The following PCIF1 variants were observed in gnomAD, a reference collection of about 807,000 sequenced individuals.
PCIF1 encodes mRNA (2'-O-methyladenosine-N(6)-)-methyltransferase.
Under a neutral mutation model 86.9 loss-of-function variants are expected in PCIF1, and 12 were observed. The observed-to-expected ratio is 0.14, with a 90% CI of 0.09 to 0.22. The LOEUF (loss-of-function observed/expected upper bound fraction) is 0.22. Ranked by LOEUF, PCIF1 falls within the 10% of genes least tolerant of loss-of-function variation. The pLI is 1.00. For synonymous variants in PCIF1, 397 were observed against 372.0 expected (o/e 1.07, Z -0.77); for missense variants, 701 against 951.1 (o/e 0.74, Z 3.46).
intron 1 of PCIF1, among the ~76,000 whole-genome samples, chr20:45,935,812 C>T (rs1399156455): frequency 6.6e-6 from 1 of 151,290 alleles, no homozygotes; most frequent in African/African-American, 2.4e-5. Context: ...CAGTGAGGCA[C>T]AGGAGTCTGA....
rs971337746 is a variant in PCIF1 at position 45,947,620 on chromosome 20, G to A, written c.1980G>A (p.Leu660=). 2 of 1,612,866 alleles carry A rather than the reference G, an allele frequency of 1.2e-6. No homozygotes were observed. Among genetic ancestry groups the A allele is most frequent in the Admixed American group, 1.7e-5 (1 of 60,028 alleles). Residue 660 remains leucine (L), a synonymous_variant, in exon 17 of 17, where the codon CTG becomes CTA. Transcript: ENST00000372409. The surrounding 1 kb of genome is among the most constrained non-coding windows in gnomAD (Gnocchi z 5.4). ...AGTGGGCGCCGACGCCTGAACGGCTGCAGGAGCTGAGTGCTGCCTACCGGC... is the reference window on the plus strand; with the variant it reads ...AGTGGGCGCCGACGCCTGAACGGCTACAGGAGCTGAGTGCTGCCTACCGGC... The part of the protein sequence containing the change: ...FAKWAPTPER[L]QELSAAYRQS...
chr20:45,946,255 T>C lies in PCIF1; in HGVS notation c.1484T>C (p.Val495Ala). Residue 495 changes from valine (V) to alanine (A), a missense_variant, in exon 14 of 17, where the codon GTG (valine) becomes GCG (alanine). This residue lies in a region of PCIF1 where 61 missense variants were observed against 118.5 expected (regional missense o/e 0.51). Transcript: ENST00000372409. ...EGTGLQGSLP[V>A]HVFEALHRLF... ...ACTGGCCTGCAGGGATCGCTGCCTG[T>C]GCATGTCTTTGAGGCCCTCCACCGA... 1.2e-6 allele frequency: 2 copies of C among 1,614,200 alleles called. No individual in the cohort carries two copies. Among genetic ancestry groups the C allele is most frequent in the Non-Finnish European group, 1.7e-6 (2 of 1,180,046 alleles).
At position 45,934,732 on chromosome 20, in the gene PCIF1, G is replaced by A. The variant is rs1568788017; in HGVS notation, c.-260G>A. On this transcript the variant is annotated 5_prime_UTR_variant, in exon 1 of 17. Transcript: ENST00000372409. ...GATGGCGGCAGCGGCGCTGGGGAGGGCGAGGCGGAGGCGGCAAAACGGGCG... is the reference window on the plus strand; with the variant it reads ...GATGGCGGCAGCGGCGCTGGGGAGGACGAGGCGGAGGCGGCAAAACGGGCG... The A allele has an allele frequency of 1.0e-5, 4 of 398,830 alleles. No homozygotes were observed. Among genetic ancestry groups the A allele is most frequent in the Non-Finnish European group, 1.8e-5 (4 of 226,102 alleles). The allele number at this position is 398,830 out of a possible 1,614,324, so 24.7% of individuals were successfully genotyped here. A position where few individuals can be genotyped will look rare whatever the true frequency, so the allele number is the denominator to read the frequency against.
intron 1 of PCIF1, 26 bp from the exon 2 acceptor site, chr20:45,937,392 T>C (rs1185764185): frequency 7.5e-6 from 3 of 399,326 alleles, no homozygotes; most frequent in Non-Finnish European, 1.3e-5. Context: ...CACAGGTCTG[T>C]GACTGTTTTC....
chr20:45,947,542 G>A lies in PCIF1; in HGVS notation c.1902G>A (p.Lys634=). ...CCCGCAGGGAGGAAATGCACTACAA[G>A]GCCGTCCACAACACGGCTGTGCTCT... ...HICKKEEMHY[K]AVHNTAVLFL... The change falls in exon 17 of 17, where the codon AAG becomes AAA. Residue 634 remains lysine (K), a synonymous_variant. Transcript: ENST00000372409. This position sits in a 1 kb window ranked among gnomAD's most constrained non-coding sequence, Gnocchi z 5.4. The A allele has an allele frequency of 6.2e-7, 1 of 1,613,816 alleles. No individual in the cohort carries two copies. Among genetic ancestry groups the A allele is most frequent in the Non-Finnish European group, 8.5e-7 (1 of 1,180,034 alleles).
chr20:45,944,744 A>G, intron 10 of PCIF1, 124 bp from the exon 11 acceptor site: 1 of 1,000,542 alleles, frequency 1.0e-6, no homozygotes, highest in Non-Finnish European at 1.4e-6. Context: ...TGACACAGCT[A>G]GTCAGCAGCA....
Position 45,943,058 on chromosome 20 carries a change from G to C in PCIF1, c.674-39G>C. The C allele has an allele frequency of 1.2e-6, 2 of 1,601,916 alleles. No individual in the cohort carries two copies. Among genetic ancestry groups the C allele is most frequent in the South Asian group, 2.2e-5 (2 of 90,148 alleles). ...TGCCAAGCTCCAAGTGGGACTGCTTGATTAAATCCAGGCCTTCAGCAGCTC... is the reference window on the plus strand; with the variant it reads ...TGCCAAGCTCCAAGTGGGACTGCTTCATTAAATCCAGGCCTTCAGCAGCTC... On this transcript the variant is annotated intron_variant, in intron 7 of 16. Transcript: ENST00000372409. The surrounding 1 kb of genome is among the most constrained non-coding windows in gnomAD (Gnocchi z 5.5).
Position 45,947,914 on chromosome 20 carries a change from C to T in PCIF1, c.*159C>T. Reference sequence around the variant, plus strand: ...CCTGTCCCCAAGTCCTCACCTCAAACTCCCTCCAAGTCCCATGTATATAGG... The same window carrying T: ...CCTGTCCCCAAGTCCTCACCTCAAATTCCCTCCAAGTCCCATGTATATAGG... On this transcript the variant is annotated 3_prime_UTR_variant, in exon 17 of 17. Coordinates refer to ENST00000372409, the MANE Select transcript of PCIF1 (RefSeq NM_022104.4). The surrounding 1 kb of genome is among the most constrained non-coding windows in gnomAD (Gnocchi z 5.4). 1 of 1,534,238 alleles carries T rather than the reference C, an allele frequency of 6.5e-7. No individual in the cohort carries two copies. Among genetic ancestry groups the T allele is most frequent in the South Asian group, 1.2e-5 (1 of 83,278 alleles).
intron 11 of PCIF1, among the ~76,000 whole-genome samples, chr20:45,945,473 C>T (rs1446902376): frequency 1.3e-5 from 2 of 152,264 alleles, no homozygotes; most frequent in African/African-American, 2.4e-5. Flanking sequence ...GCCCAAGGCA[C>T]GGCATACGGG....
chr20:45,940,991 C>T (rs368486446), intron 6 of PCIF1, 52 bp downstream of exon 6: 6 of 1,614,090 alleles, frequency 3.7e-6, no homozygotes, highest in Non-Finnish European at 5.1e-6. Context: ...GTCAGCCTGT[C>T]TGGGACTGTG....
chr20:45,941,393 G>A (rs1417366110), intron 7 of PCIF1, among the ~76,000 whole-genome samples, 186 bp downstream of exon 7: 1 of 152,202 alleles, frequency 6.6e-6, no homozygotes, highest in Non-Finnish European at 1.5e-5. Flanking sequence ...TATACCTTAG[G>A]ATTCTATGAT....
intron 11 of PCIF1, 42 bp downstream of exon 11, chr20:45,945,072 G>A: frequency 1.3e-6 from 2 of 1,544,746 alleles, no homozygotes; most frequent in Non-Finnish European, 1.7e-6. Flanking sequence ...GATGCCGTCA[G>A]CTCTATACCC....
rs375497874 is a variant in PCIF1, at chr20:45,939,216, G to A, written c.126G>A (p.Glu42=). The change falls in exon 4 of 17, where the codon GAG becomes GAA. Residue 42 remains glutamate, a splice_region_variant and synonymous_variant. Transcript: ENST00000372409. ...GCTGGGCTCCGTGCCTGTTTGCAGA[G>A]GAGCTGGTGCATGCAGGCTGGGAGA... is the stretch of plus-strand genomic sequence containing the variant. ...KPIRLVQDLP[E]ELVHAGWEKC... is the part of the protein sequence containing the mutation. The A allele has an allele frequency of 1.9e-6, 3 of 1,613,986 alleles. No individual in the cohort carries two copies. The highest frequency in any genetic ancestry group is 2.2e-5 in the South Asian group (2 of 91,086).
At chr20:45,939,145 G>C (rs758001243) in intron 3 of PCIF1, 22 bp downstream of exon 3, 2 of 1,613,964 alleles carry the variant, frequency 1.2e-6, no homozygotes, top group Admixed American at 1.7e-5. Context: ...GAGCAGTAGT[G>C]GGGTGGTGGG....
At chr20:45,938,293 C>T (rs1473590794) in intron 2 of PCIF1, among the ~76,000 whole-genome samples, 1 of 152,216 alleles carries the variant, frequency 6.6e-6, no homozygotes, top group Non-Finnish European at 1.5e-5. Context: ...TAGCTGCTTC[C>T]TGCCATGTAG....
chr20:45,946,171 C>T lies in PCIF1; in HGVS notation c.1429-29C>T, dbSNP rs367576256. The stretch of plus-strand genomic sequence containing the variant: ...CCAGGAGGGAACAGGGAGGGTGAGC[C>T]CCAGGTGCTGACGGTGGCCACTCCG... On this transcript the variant is annotated intron_variant, in intron 13 of 16. Coordinates refer to ENST00000372409, the MANE Select transcript of PCIF1 (RefSeq NM_022104.4). 132 of 1,614,132 alleles carry T rather than the reference C, an allele frequency of 8.2e-5. No homozygotes were observed. The African/African-American group carries it at 1.6e-3, about 19-fold the overall frequency.
At position 45,939,320 on chromosome 20, in the gene PCIF1, T is replaced by C. The variant is rs1343911614; in HGVS notation, c.230T>C (p.Leu77Pro). 2 of 1,613,670 alleles carry C rather than the reference T, an allele frequency of 1.2e-6. No individual in the cohort carries two copies. The highest frequency in any genetic ancestry group is 1.7e-6 in the Non-Finnish European group (2 of 1,180,008). Residue 77 changes from leucine to proline, a missense_variant, in exon 4 of 17, where the codon CTG (leucine) becomes CCG (proline). Coordinates refer to ENST00000372409, the MANE Select transcript of PCIF1 (RefSeq NM_022104.4). Reference sequence around the variant, plus strand: ...CAGTCCCTGTGGGAGATGCCCGTGCTGGGGCAGCACGATGTGATTGTGAGT... The same window carrying C: ...CAGTCCCTGTGGGAGATGCCCGTGCCGGGGCAGCACGATGTGATTGTGAGT... The part of the protein sequence containing the change: ...TNQSLWEMPV[L>P]GQHDVISDPL...
At chr20:45,941,684 TCCTGA>T in intron 7 of PCIF1, among the ~76,000 whole-genome samples, 1 of 152,168 alleles carries the variant, frequency 6.6e-6, no homozygotes, top group South Asian at 2.1e-4. Flanking sequence ...GGTCCTGAAC[TCCTGA>T]CCTTGTGATG....
At chr20:45,942,766 CTTTT>C (rs780815783) in intron 7 of PCIF1, among the ~76,000 whole-genome samples, 1 of 71,744 alleles carries the variant, frequency 1.4e-5, no homozygotes, top group Non-Finnish European at 2.7e-5. Flanking sequence ...CAGCTAATTT[CTTTT>C]TTTTTTTTTT....
Sources: gnomAD v4.1 joint callset for allele counts (sites outside exome capture counted in the v4.1 genomes callset) on GRCh38, gnomAD v4.1.1 for gene constraint, gnomAD v4.1.1 regional missense constraint, Gnocchi (gnomAD v3.1) non-coding constraint, MANE v1.5 for transcripts, NCBI Gene and HGNC (gene_info 2026-07-23, HGNC 2026-07-21) for gene names.